The following AKAP7 variants were observed in gnomAD, a reference collection of about 807,000 sequenced individuals.
The protein encoded by AKAP7 is A-kinase anchoring protein 7.
AKAP7 carries 39 observed loss-of-function variants against 39.5 expected under a neutral mutation model. The ratio of observed to expected loss-of-function variants is 0.99; its 90% CI spans 0.76 to 1.29. The LOEUF is 1.29. Among genes scored for constraint, AKAP7 ranks in the 50% most tolerant of loss-of-function variants. The pLI, the probability that AKAP7 is intolerant of heterozygous loss-of-function variation, is 0.00. For missense variants in AKAP7, 414 were observed against 407.7 expected (o/e 1.02, Z -0.13); for synonymous variants, 140 against 139.1 (o/e 1.01, Z -0.05).
At chr6:131,210,608 C>T (rs550006301) in intron 6 of AKAP7, among the ~76,000 whole-genome samples, 2 of 152,320 alleles carry the variant, frequency 1.3e-5, no homozygotes, top group South Asian at 4.1e-4. Flanking sequence ...GAAACTACCT[C>T]TCTTCCTTCC....
At chr6:131,223,806 A>G (rs1371132004) in intron 7 of AKAP7, among the ~76,000 whole-genome samples, 1 of 152,220 alleles carries the variant, frequency 6.6e-6, no homozygotes, top group Non-Finnish European at 1.5e-5. Context: ...CAGGACTGGC[A>G]TTATGAAGCT....
At chr6:131,136,355 G>T (rs1285121891) in intron 1 of AKAP7, among the ~76,000 whole-genome samples, 1 of 152,162 alleles carries the variant, frequency 6.6e-6, no homozygotes, top group Non-Finnish European at 1.5e-5. Context: ...TGGACTTTCG[G>T]TAAAAGGGTC....
chr6:131,241,623 GTGTGTA>G lies in AKAP7; in HGVS notation c.850+21817_850+21822del, dbSNP rs1351963088. ...TGTGTGTGTGTGTGTGTGTGTGTGTGTGTGTATATATATATGACAGTTATAGGATTC... is the reference window on the plus strand; with the variant it reads ...TGTGTGTGTGTGTGTGTGTGTGTGTGTATATATATGACAGTTATAGGATTC... On this transcript the variant is annotated intron_variant, in intron 7 of 7. Coordinates refer to ENST00000431975, the MANE Select transcript of AKAP7 (RefSeq NM_016377.4). 1.9e-3 allele frequency among the ~76,000 whole-genome samples: 133 copies of G among 68,558 alleles called. 3 individuals carry two copies. The highest frequency in any genetic ancestry group is 8.9e-3 in the Middle Eastern group (1 of 112). 45.0% of individuals were successfully genotyped at this position (68,558 alleles called of 152,430 possible). A position where few individuals can be genotyped will look rare whatever the true frequency, so the allele number is the denominator to read the frequency against.
At chr6:131,239,530 A>G (rs1811352095) in intron 7 of AKAP7, among the ~76,000 whole-genome samples, 1 of 152,172 alleles carries the variant, frequency 6.6e-6, no homozygotes, top group South Asian at 2.1e-4. Context: ...TCTCCCCGTC[A>G]CTTTCAGGTA....
At chr6:131,140,772 G>A (rs1327638408) in intron 1 of AKAP7, among the ~76,000 whole-genome samples, 1 of 152,192 alleles carries the variant, frequency 6.6e-6, no homozygotes, top group East Asian at 1.9e-4. Context: ...ATGGTCAGTG[G>A]TGATCCTTTA....
chr6:131,278,235 A>G (rs1469483038), intron 7 of AKAP7, among the ~76,000 whole-genome samples: 1 of 152,248 alleles, frequency 6.6e-6, no homozygotes, highest in East Asian at 1.9e-4. Context: ...TGTCTTTAGC[A>G]GAGCAGATAC....
intron 7 of AKAP7, among the ~76,000 whole-genome samples, chr6:131,270,099 A>G (rs1306979601): frequency 6.6e-6 from 1 of 152,172 alleles, no homozygotes; most frequent in Non-Finnish European, 1.5e-5. Context: ...TCATTGAGGT[A>G]TAATTTACAT....
At chr6:131,242,333 C>G in intron 7 of AKAP7, 2 of 443,944 alleles carry the variant, frequency 4.5e-6, no homozygotes, top group Non-Finnish European at 6.0e-6. Flanking sequence ...TTTACTTAAG[C>G]AGTCAGTCTT....
chr6:131,214,008 C>G (rs1441035295), intron 6 of AKAP7, among the ~76,000 whole-genome samples: 1 of 151,848 alleles, frequency 6.6e-6, no homozygotes, highest in African/African-American at 2.4e-5. Flanking sequence ...CATGTTTCTT[C>G]CTCTGGTCTG....
At chr6:131,273,306 G>A (rs1034221207) in intron 7 of AKAP7, among the ~76,000 whole-genome samples, 1 of 151,886 alleles carries the variant, frequency 6.6e-6, no homozygotes, top group Non-Finnish European at 1.5e-5. Flanking sequence ...GAGTGTCTAG[G>A]CCATCTTATG....
chr6:131,255,841 A>T (rs1241849966), intron 7 of AKAP7, among the ~76,000 whole-genome samples: 1 of 152,170 alleles, frequency 6.6e-6, no homozygotes, highest in East Asian at 1.9e-4. Flanking sequence ...TATAGATGTG[A>T]TGCAATTCTT....
At chr6:131,223,064 T>C (rs1055644972) in intron 7 of AKAP7, among the ~76,000 whole-genome samples, 2 of 152,216 alleles carry the variant, frequency 1.3e-5, no homozygotes, top group African/African-American at 4.8e-5. Context: ...GGCAATAAAG[T>C]GTATTTAAAG....
intron 5 of AKAP7, chr6:131,184,715 C>G: frequency 1.2e-6 from 1 of 837,828 alleles, no homozygotes; most frequent in South Asian, 1.3e-5. Context: ...CCATCAGGAC[C>G]CTTTTTGGAT....
At chr6:131,182,088 T>A (rs1241015689) in intron 5 of AKAP7, among the ~76,000 whole-genome samples, 1 of 151,856 alleles carries the variant, frequency 6.6e-6, no homozygotes. Flanking sequence ...ATGGCACCAA[T>A]GTACTCCAGC....
At chr6:131,185,338 C>G (rs991944553) in intron 5 of AKAP7, 1 of 518,732 alleles carries the variant, frequency 1.9e-6, no homozygotes, top group Admixed American at 2.4e-5. Flanking sequence ...AATAATTGTT[C>G]TGGGCTACTC....
Position 131,245,458 on chromosome 6 carries a change from T to C in AKAP7, c.850+25650T>C, listed in dbSNP as rs75557825. Among the ~76,000 whole-genome samples, 2,144 of 151,664 alleles carry C rather than the reference T, an allele frequency of 0.014. 137 individuals are homozygous for C. In the East Asian group the frequency reaches 0.17, roughly 12 times the overall value. On this transcript the variant is annotated intron_variant, in intron 7 of 7. Coordinates refer to ENST00000431975, the MANE Select transcript of AKAP7 (RefSeq NM_016377.4). ...TTTTTGGTTTTTTTTTTTGTATTTT[T>C]AGTAGAGACGCGGTTTCACTACAAG...
chr6:131,278,832 C>G (rs1814963215), intron 7 of AKAP7, among the ~76,000 whole-genome samples: 1 of 152,106 alleles, frequency 6.6e-6, no homozygotes, highest in Non-Finnish European at 1.5e-5. Flanking sequence ...GGTGGGGACA[C>G]AAATCCACAC....
intron 3 of AKAP7, among the ~76,000 whole-genome samples, chr6:131,163,917 C>T (rs1191896512): frequency 6.6e-6 from 1 of 151,836 alleles, no homozygotes; most frequent in Non-Finnish European, 1.5e-5. Flanking sequence ...TCTACAAGGA[C>T]AGAGAGAGAA....
chr6:131,161,686 T>TAAAAAAAAAAAAAAAAAAAAAAAAAAAAA (rs1392090781), intron 3 of AKAP7, among the ~76,000 whole-genome samples: 1 of 78,890 alleles, frequency 1.3e-5, no homozygotes, highest in African/African-American at 4.6e-5. Flanking sequence ...AAAAAAAAAT[T>TAAAAAAAAAAAAAAAAAAAAAAAAAAAAA]AAAGGTCCTA....
Sources: gnomAD v4.1 joint callset for allele counts (sites outside exome capture counted in the v4.1 genomes callset) on GRCh38, gnomAD v4.1.1 for gene constraint, MANE v1.5 for transcripts, NCBI Gene and HGNC (gene_info 2026-07-23, HGNC 2026-07-21) for gene names.